TVP23A: variants seen among roughly 807,000 people sequenced by gnomAD.
The protein encoded by TVP23A is trans-golgi network vesicle protein 23 homolog A, also known as Golgi apparatus membrane protein TVP23 homolog A.
In TVP23A, 21 loss-of-function variants were observed where a neutral mutation model predicts 31.7. The ratio of observed to expected loss-of-function variants is 0.66; its 90% confidence interval spans 0.47 to 0.95. The LOEUF (loss-of-function observed/expected upper bound fraction) is 0.95. TVP23A is among the 40% of genes least tolerant of loss of function. The pLI is 0.00. For synonymous variants in TVP23A, 104 were observed against 96.0 expected (o/e 1.08, Z -0.49); for missense variants, 279 against 255.6 (o/e 1.09, Z -0.62).
downstream of TVP23A, among the ~76,000 whole-genome samples, chr16:10,762,931 G>C (rs373506917): frequency 5.8e-3 from 879 of 150,888 alleles, 11 homozygotes; most frequent in African/African-American, 0.02. Context: ...ACGACTGTCA[G>C]TGTCATGTGC....
rs1291905950 is a variant in TVP23A, at chr16:10,767,383, C to A, written c.*1719G>T. 3 of 400,594 alleles carry A rather than the reference C, an allele frequency of 7.5e-6. No homozygotes were observed. The highest frequency in any genetic ancestry group is 1.3e-5 in the Non-Finnish European group (3 of 227,612). 24.8% of individuals were successfully genotyped at this position (400,594 alleles called of 1,614,324 possible). ...GACTGATAGACACCAGCACAGATGA[C>A]CTGGAAGATAAAATTATACACAGAC... On this transcript the variant is annotated 3_prime_UTR_variant, in exon 8 of 8. Transcript: ENST00000299866. The surrounding 1 kb of genome is among the most constrained non-coding windows in gnomAD (Gnocchi z 4.6).
rs146048166 is a variant in TVP23A, at chr16:10,813,524, G to A, written c.89+4579C>T. On this transcript the variant is annotated intron_variant, in intron 2 of 7. Transcript: ENST00000299866. ...TTTGGGAAGATGAGGCAGAGAGATCGCTTGAGTCCAGGAGTTTGAGATCAG... is the reference window on the plus strand; with the variant it reads ...TTTGGGAAGATGAGGCAGAGAGATCACTTGAGTCCAGGAGTTTGAGATCAG... Among the ~76,000 whole-genome samples the A allele has an allele frequency of 3.9e-3, 599 of 152,278 alleles. 4 individuals are homozygous for A. The highest frequency in any genetic ancestry group is 6.9e-3 in the Non-Finnish European group (472 of 68,020).
Position 10,769,050 on chromosome 16 carries a change from T to TC in TVP23A, c.*51dup. On this transcript the variant is annotated 3_prime_UTR_variant, in exon 8 of 8. Transcript: ENST00000299866. ...TGCCTGTCGTCTTGTTTTCCAGGAA[T>TC]CCAAGAGTTTTGTAATCTCCATCAG... The TC allele has an allele frequency of 4.3e-6, 7 of 1,613,956 alleles. No individual in the cohort carries two copies. The highest frequency in any genetic ancestry group is 5.9e-6 in the Non-Finnish European group (7 of 1,179,896).
Position 10,775,138 on chromosome 16 carries a change from G to A in TVP23A, c.90-42C>T, listed in dbSNP as rs759767471. On this transcript the variant is annotated intron_variant, in intron 2 of 7. Transcript: ENST00000299866. ...AAGGCGCCCTCACTCCAAGAGCTAA[G>A]CGGATGGTCACTGAACTCCCTTTAC... 17 of 1,578,386 alleles carry A rather than the reference G, an allele frequency of 1.1e-5. No homozygotes were observed. In the South Asian group the frequency reaches 1.3e-4, roughly 12 times the overall value.
At chr16:10,760,800 C>T (rs1018212014), downstream of TVP23A, 1 of 152,310 alleles carries the variant, frequency 6.6e-6, no homozygotes, top group African/African-American at 2.4e-5. Context: ...AAGTAAATAG[C>T]ACCTCGAACA....
intron 2 of TVP23A, among the ~76,000 whole-genome samples, chr16:10,806,311 C>T (rs1342987081): frequency 1.3e-5 from 2 of 151,950 alleles, no homozygotes; most frequent in Non-Finnish European, 2.9e-5. Flanking sequence ...CCAATGTACT[C>T]CAGCCTGGGT....
chr16:10,793,994 T>C (rs140945007), intron 2 of TVP23A, among the ~76,000 whole-genome samples: 96 of 149,640 alleles, frequency 6.4e-4, no homozygotes, highest in African/African-American at 2.1e-3. Context: ...ACACTCGGTA[T>C]CTGGTGAGGG....
intron 2 of TVP23A, among the ~76,000 whole-genome samples, chr16:10,780,259 T>A (rs561615756): frequency 6.6e-6 from 1 of 152,308 alleles, no homozygotes; most frequent in East Asian, 1.9e-4. Context: ...CCTTATCTTG[T>A]CTCCTGCTAA....
intron 2 of TVP23A, among the ~76,000 whole-genome samples, chr16:10,796,075 C>A (rs569911190): frequency 7.8e-4 from 118 of 152,188 alleles, no homozygotes; most frequent in African/African-American, 2.7e-3. Flanking sequence ...GGGCTGGGCA[C>A]GGTGGCTCAT....
chr16:10,802,629 T>A (rs553143320), intron 2 of TVP23A, among the ~76,000 whole-genome samples: 1 of 152,288 alleles, frequency 6.6e-6, no homozygotes, highest in African/African-American at 2.4e-5. Flanking sequence ...GTACTATTCT[T>A]GCTACCTTCC....
chr16:10,765,508 A>C (rs2697657), downstream of TVP23A, among the ~76,000 whole-genome samples: 102,403 of 151,580 alleles, frequency 0.68, 35,284 homozygotes, highest in South Asian at 0.82. The surrounding 1 kb of genome is among the most constrained non-coding windows in gnomAD (Gnocchi z 4.0). Context: ...AACCTGTCTC[A>C]AAAAAAAATT....
rs2031152508 is a variant in TVP23A at position 10,767,995 on chromosome 16, T to C, written c.*1107A>G. On this transcript the variant is annotated 3_prime_UTR_variant, in exon 8 of 8. Coordinates refer to ENST00000299866, the MANE Select transcript of TVP23A (RefSeq NM_001079512.4). This position sits in a 1 kb window ranked among gnomAD's most constrained non-coding sequence, Gnocchi z 4.6. ...AGTCTTTTTTCATTGACGCCCCAGA[T>C]TCCCCAGCCACGTTAGCCTACAGAA... 1 of 1,613,982 alleles carries C rather than the reference T, an allele frequency of 6.2e-7. No homozygotes were observed. Among genetic ancestry groups the C allele is most frequent in the African/African-American group, 1.3e-5 (1 of 74,920 alleles).
In TVP23A at chr16:10,779,612, C is replaced by A; in HGVS notation, c.90-4516G>T. Among the ~76,000 whole-genome samples, 1 of 152,152 alleles carries A rather than the reference C, an allele frequency of 6.6e-6. No individual in the cohort carries two copies. The highest frequency in any genetic ancestry group is 1.9e-4 in the East Asian group (1 of 5,186). Reference sequence around the variant, plus strand: ...GTTCCCGGACCAACTGAGAATCAGGCGGCATATTCTTGTGGCCCAAAAACG... The same window carrying A: ...GTTCCCGGACCAACTGAGAATCAGGAGGCATATTCTTGTGGCCCAAAAACG... On this transcript the variant is annotated intron_variant, in intron 2 of 7. Transcript: ENST00000299866. This position sits in a 1 kb window ranked among gnomAD's most constrained non-coding sequence, Gnocchi z 4.9.
chr16:10,790,791 G>C (rs187590576), intron 2 of TVP23A, among the ~76,000 whole-genome samples: 31 of 152,232 alleles, frequency 2.0e-4, no homozygotes, highest in African/African-American at 7.2e-4. Flanking sequence ...TGTAGTTTGC[G>C]GTAAAATACT....
Position 10,775,637 on chromosome 16 carries a change from A to G in TVP23A, c.90-541T>C, listed in dbSNP as rs987482847. On this transcript the variant is annotated intron_variant, in intron 2 of 7. Transcript: ENST00000299866. The stretch of plus-strand genomic sequence containing the variant: ...GAATGGCACGTGAATCCTGGCATTT[A>G]ATCTAGGGGAAGGTGGTTCTTGTTC... 4 of 755,684 alleles carry G rather than the reference A, an allele frequency of 5.3e-6. No homozygotes were observed. In the African/African-American group the frequency reaches 7.6e-5, roughly 14 times the overall value. The allele number at this position is 755,684 out of a possible 1,614,324, so 46.8% of individuals were successfully genotyped here.
intron 2 of TVP23A, among the ~76,000 whole-genome samples, chr16:10,810,378 C>G (rs1432458370): frequency 6.6e-6 from 1 of 151,840 alleles, no homozygotes; most frequent in Admixed American, 6.6e-5. Flanking sequence ...GTGATCCCGT[C>G]TCTACAAAAA....
intron 2 of TVP23A, among the ~76,000 whole-genome samples, chr16:10,788,880 C>A (rs2032931147): frequency 6.6e-6 from 1 of 152,186 alleles, no homozygotes; most frequent in Non-Finnish European, 1.5e-5. Context: ...TCTCCTTGAA[C>A]ACAGTGTTTG....
intron 2 of TVP23A, among the ~76,000 whole-genome samples, chr16:10,806,174 C>G: frequency 6.6e-6 from 1 of 152,148 alleles, no homozygotes; most frequent in Admixed American, 6.5e-5. Flanking sequence ...GACTCCTCGT[C>G]TCTACTAAAA....
At chr16:10,809,253 G>C (rs1463154972) in intron 2 of TVP23A, among the ~76,000 whole-genome samples, 1 of 152,164 alleles carries the variant, frequency 6.6e-6, no homozygotes, top group African/African-American at 2.4e-5. Flanking sequence ...AAGGTGTCAT[G>C]GTCACTGTTC....
Sources: gnomAD v4.1 joint callset for allele counts (sites outside exome capture counted in the v4.1 genomes callset) on GRCh38, gnomAD v4.1.1 for gene constraint, Gnocchi (gnomAD v3.1) non-coding constraint, MANE v1.5 for transcripts, NCBI Gene and HGNC (gene_info 2026-07-23, HGNC 2026-07-21) for gene names.